Variants in TRAPPC3L observed in about 807,000 individuals in gnomAD.
TRAPPC3L encodes the protein trafficking protein particle complex subunit 3-like protein.
A neutral mutation model predicts 23.7 loss-of-function variants in TRAPPC3L; 23 were observed. That is an observed-to-expected ratio of 0.97 (90% CI 0.70 to 1.37). TRAPPC3L has a LOEUF of 1.37. TRAPPC3L is among the 40% of genes most tolerant of loss of function. TRAPPC3L has a pLI of 0.00. For missense variants in TRAPPC3L, 212 were observed against 216.8 expected, an observed-to-expected ratio of 0.98 and a Z score of 0.14; for synonymous variants, 81 against 77.9, an observed-to-expected ratio of 1.04 and a Z score of -0.21.
chr6:116,514,964 A>T (rs960582683), intron 3 of TRAPPC3L, among the ~76,000 whole-genome samples: 5 of 152,238 alleles, frequency 3.3e-5, no homozygotes, highest in African/African-American at 4.8e-5. Flanking sequence ...TGCTTTTAAG[A>T]TCCAGGGGAG....
chr6:116,515,557 G>A (rs881863), intron 3 of TRAPPC3L: 682,801 of 1,546,160 alleles, frequency 0.44, 155,244 homozygotes, highest in Admixed American at 0.57. Flanking sequence ...TCCCTAAATG[G>A]CTTTGCTTTC....
In TRAPPC3L at chr6:116,535,056, G is replaced by A. The variant is rs550523659; in HGVS notation, c.240+5307C>T. Among the ~76,000 whole-genome samples the A allele has an allele frequency of 2.6e-5, 4 of 152,244 alleles. No homozygotes were observed. In the East Asian group the frequency reaches 7.7e-4, roughly 29 times the overall value. On this transcript the variant is annotated intron_variant, in intron 3 of 4. Transcript: ENST00000368602. The stretch of plus-strand genomic sequence containing the variant: ...CTTTGACAAACATAATTTGTGCAAG[G>A]CCGAGCAGTTATAAACATTGTCAGT...
rs746673905 is a variant in TRAPPC3L at position 116,497,085 on chromosome 6, GA to G, written c.427-13del. 78 of 1,530,316 alleles carry G rather than the reference GA, an allele frequency of 5.1e-5. No individual in the cohort carries two copies. The highest frequency in any genetic ancestry group is 1.3e-4 in the Admixed American group (6 of 45,088). The allele number at this position is 1,530,316 out of a possible 1,614,324, so 94.8% of individuals were successfully genotyped here. A position where few individuals can be genotyped will look rare whatever the true frequency, so the allele number is the denominator to read the frequency against. ...GCCGCCAAATGAACCTAGGAAAGAA[GA>G]AAAAAACAGGCCTGTGTCATTCAAT... On this transcript the variant is annotated splice_polypyrimidine_tract_variant and intron_variant, in intron 4 of 4. Coordinates refer to ENST00000368602, the MANE Select transcript of TRAPPC3L (RefSeq NM_001139444.3).
intron 3 of TRAPPC3L, chr6:116,524,709 T>C (rs1046566170): frequency 1.1e-4 from 17 of 152,184 alleles, no homozygotes; most frequent in African/African-American, 4.1e-4. Flanking sequence ...TTTGGAACGA[T>C]TTTTCCTGCT....
intron 3 of TRAPPC3L, among the ~76,000 whole-genome samples, chr6:116,504,409 A>T (rs1406282934): frequency 6.6e-6 from 1 of 152,226 alleles, no homozygotes; most frequent in African/African-American, 2.4e-5. Flanking sequence ...AACCGAAAAA[A>T]GTCCAGGACC....
At chr6:116,529,168 G>A (rs34776007) in intron 3 of TRAPPC3L, 22,857 of 152,146 alleles carry the variant, frequency 0.15, 1,889 homozygotes, top group East Asian at 0.34. Flanking sequence ...TGGCTTTGCT[G>A]CAACCCTTCA....
At chr6:116,516,574 G>A (rs1772228255) in intron 3 of TRAPPC3L, 1 of 150,762 alleles carries the variant, frequency 6.6e-6, no homozygotes, top group African/African-American at 2.4e-5. Context: ...ATACTCCCCT[G>A]GAAGCAGGGC....
At chr6:116,498,892 C>T (rs1229458762) in intron 4 of TRAPPC3L, among the ~76,000 whole-genome samples, 2 of 152,150 alleles carry the variant, frequency 1.3e-5, no homozygotes, top group African/African-American at 2.4e-5. Context: ...TTTATTGCTT[C>T]CTATGGTTCT....
At chr6:116,497,101 T>C (rs1771844142) in intron 4 of TRAPPC3L, 28 bp from the exon 5 acceptor site, 1 of 1,504,824 alleles carries the variant, frequency 6.6e-7, no homozygotes, top group Non-Finnish European at 8.8e-7. Flanking sequence ...AACAGGCCTG[T>C]GTCATTCAAT....
chr6:116,542,065 T>C (rs1773497804), intron 2 of TRAPPC3L, among the ~76,000 whole-genome samples: 1 of 152,188 alleles, frequency 6.6e-6, no homozygotes, highest in Non-Finnish European at 1.5e-5. Context: ...GCTTTTTTAT[T>C]ATTCACAGCT....
intron 2 of TRAPPC3L, among the ~76,000 whole-genome samples, chr6:116,542,491 T>G (rs188585521): frequency 2.6e-5 from 4 of 152,238 alleles, no homozygotes; most frequent in Admixed American, 2.0e-4. Flanking sequence ...TCCCCTTCAA[T>G]CTGCCTAGAT....
Position 116,496,533 on chromosome 6 carries a change from C to T in TRAPPC3L, c.*421G>A, listed in dbSNP as rs1168175395. The T allele has an allele frequency of 6.5e-6, 1 of 153,376 alleles. No homozygotes were observed. The highest frequency in any genetic ancestry group is 2.4e-5 in the African/African-American group (1 of 41,380). The allele number at this position is 153,376 out of a possible 1,614,324, so 9.5% of individuals were successfully genotyped here. A position where few individuals can be genotyped will look rare whatever the true frequency, so the allele number is the denominator to read the frequency against. On this transcript the variant is annotated 3_prime_UTR_variant, in exon 5 of 5. Coordinates refer to ENST00000368602, the MANE Select transcript of TRAPPC3L (RefSeq NM_001139444.3). Reference sequence around the variant, plus strand: ...ATTTAAGGAATGCAATATACAGTATCTAGAAACTACTGTCTATATATAGGA... The same window carrying T: ...ATTTAAGGAATGCAATATACAGTATTTAGAAACTACTGTCTATATATAGGA...
chr6:116,512,175 A>G, intron 3 of TRAPPC3L: 3 of 1,611,746 alleles, frequency 1.9e-6, no homozygotes, highest in Non-Finnish European at 2.5e-6. Flanking sequence ...TCTTGTGGCA[A>G]AACTAGCATG....
intron 3 of TRAPPC3L, among the ~76,000 whole-genome samples, chr6:116,530,881 G>A (rs1015995622): frequency 2.5e-4 from 30 of 119,308 alleles, no homozygotes; most frequent in African/African-American, 8.0e-4. Context: ...TGAGCAGAAG[G>A]TTCATAGATA....
At position 116,540,473 on chromosome 6, in the gene TRAPPC3L, C is replaced by T. The variant is rs117339277; in HGVS notation, c.141-11G>A. On this transcript the variant is annotated splice_polypyrimidine_tract_variant and intron_variant, in intron 2 of 4. Transcript: ENST00000368602. ...CCAATGCCGTAACCCCTGTGGATGA[C>T]GGAAAGAGTGTGGTCTGAAAATTCT... The T allele has an allele frequency of 4.8e-3, 7,417 of 1,549,690 alleles. 18 individuals are homozygous for T. The highest frequency in any genetic ancestry group is 5.5e-3 in the Non-Finnish European group (6,285 of 1,146,096).
Position 116,515,754 on chromosome 6 carries a change from A to G in TRAPPC3L, c.241-15088T>C, listed in dbSNP as rs1772211122. The G allele has an allele frequency of 1.9e-6, 3 of 1,613,858 alleles. No individual in the cohort carries two copies. In the Admixed American group the frequency reaches 5.0e-5, roughly 27 times the overall value. ...GAGCAGTTGGAAAATACATTTCTGG[A>G]CTATGCCAACAAGCTGAGCGAGAGG... On this transcript the variant is annotated intron_variant, in intron 3 of 4. Coordinates refer to ENST00000368602, the MANE Select transcript of TRAPPC3L (RefSeq NM_001139444.3).
At chr6:116,519,032 A>C (rs1289640940) in intron 3 of TRAPPC3L, 1 of 152,250 alleles carries the variant, frequency 6.6e-6, no homozygotes, top group East Asian at 1.9e-4. Context: ...GCAGTGGAGT[A>C]AGATAGGGAG....
At chr6:116,519,978 A>G (rs1318465470) in intron 3 of TRAPPC3L, 1 of 152,224 alleles carries the variant, frequency 6.6e-6, no homozygotes, top group Non-Finnish European at 1.5e-5. Flanking sequence ...TTACAAAAAT[A>G]AGGCATGGCA....
intron 3 of TRAPPC3L, chr6:116,519,356 A>T (rs2640870): frequency 0.037 from 5,569 of 152,240 alleles, 130 homozygotes; most frequent in Middle Eastern, 0.095. Context: ...GGAATGTCAG[A>T]TTTCTCCTGA....
Sources: allele counts gnomAD v4.1 joint callset (sites outside exome capture counted in the v4.1 genomes callset), GRCh38; gene constraint gnomAD v4.1.1; transcripts MANE v1.5; gene names NCBI Gene and HGNC (gene_info 2026-07-23, HGNC 2026-07-21).